RASL10A: variants seen among roughly 807,000 people sequenced by gnomAD.
RASL10A encodes RAS like family 10 member A.
RASL10A carries 13 observed loss-of-function variants against 17.3 expected under a neutral mutation model. The ratio of observed to expected loss-of-function variants is 0.75; its 90% CI spans 0.49 to 1.20. The LOEUF is 1.20. Ranked by LOEUF, RASL10A falls within the 50% of genes most tolerant of loss-of-function variation. RASL10A has a pLI of 0.00. For synonymous variants in RASL10A, 159 were observed against 142.2 expected, an observed-to-expected ratio of 1.12 and a Z score of -0.84; for missense variants, 307 against 310.3, an observed-to-expected ratio of 0.99 and a Z score of 0.08.
chr22:29,316,108 AC>A (rs1363936249), upstream of RASL10A, among the ~76,000 whole-genome samples: 8 of 152,302 alleles, frequency 5.3e-5, no homozygotes, highest in Non-Finnish European at 1.0e-4. Context: ...AGAGGCTCCA[AC>A]CTTTTCTTGA....
At chr22:29,316,625 C>G (rs1420149287), upstream of RASL10A, 1 of 152,316 alleles carries the variant, frequency 6.6e-6, no homozygotes, top group South Asian at 2.1e-4. Context: ...CCAGCCCCCC[C>G]ATCCTCCGCC....
At position 29,315,209 on chromosome 22, in the gene RASL10A, G is replaced by T; in HGVS notation, c.38C>A (p.Pro13Gln). ...GATGATGGCCGTCTTGCCCACGCCC[G>T]GGGCGCCTAGAACGGCCACCCGCAG... ...GSLRVAVLGA[P>Q]GVGKTAIIRQ... Residue 13 changes from proline (P) to glutamine (Q), a missense_variant, in exon 1 of 3, where the codon CCG becomes CAG. Transcript: ENST00000216101. The surrounding 1 kb of genome is among the most constrained non-coding windows in gnomAD (Gnocchi z 5.5). The T allele has an allele frequency of 6.6e-7, 1 of 1,526,574 alleles. No homozygotes were observed. Among genetic ancestry groups the T allele is most frequent in the Non-Finnish European group, 8.7e-7 (1 of 1,144,760 alleles). 94.6% of individuals were successfully genotyped at this position (1,526,574 alleles called of 1,614,324 possible).
chr22:29,313,679 C>CG (rs1569144543), intron 2 of RASL10A, 111 bp from the exon 3 acceptor site: 3 of 1,415,548 alleles, frequency 2.1e-6, no homozygotes, highest in Admixed American at 5.4e-5. Flanking sequence ...ACACCGCCCC[C>CG]CCCGCCGCCC....
upstream of RASL10A, chr22:29,319,617 C>A (rs1239732790): frequency 6.6e-6 from 1 of 152,226 alleles, no homozygotes; most frequent in East Asian, 1.9e-4. Context: ...TGGGGAGGCC[C>A]AGGCGGGAGG....
At chr22:29,319,326 G>A (rs932539988), upstream of RASL10A, 1 of 152,310 alleles carries the variant, frequency 6.6e-6, no homozygotes. Context: ...ACCCACGAAT[G>A]GAGGGATCCT....
intron 1 of RASL10A, 110 bp downstream of exon 1, chr22:29,314,918 C>T (rs1183384663): frequency 3.4e-6 from 3 of 886,436 alleles, no homozygotes; most frequent in South Asian, 2.0e-5. Context: ...ATCCCTCCAT[C>T]CCGGAGCACA....
At chr22:29,318,533 C>A (rs1370047793), upstream of RASL10A, among the ~76,000 whole-genome samples, 2 of 152,336 alleles carry the variant, frequency 1.3e-5, no homozygotes, top group East Asian at 3.9e-4. Flanking sequence ...TGGAGCCCCC[C>A]ATCCACAGGG....
rs1481818624 is a variant in RASL10A, at chr22:29,313,863, C to T, written c.344G>A (p.Arg115Lys). Residue 115 changes from arginine to lysine, a missense_variant and splice_region_variant, in exon 2 of 3, where the codon AGG (arginine) becomes AAG (lysine). Physicochemically the swap from Arg to Lys is conservative, Grantham distance 26 (BLOSUM62 2). Transcript: ENST00000216101. ...ACCGCCAGAACTGCCGGGCCCCTAC[C>T]TGGTCTCCGCGATGCGCTGCCGCAG... ...KALRQRIAETRPAGAPEAPIL... is the reference protein window; with the variant it reads ...KALRQRIAETKPAGAPEAPIL... The T allele has an allele frequency of 1.9e-6, 3 of 1,613,186 alleles. No individual in the cohort carries two copies. The Admixed American group carries it at 5.0e-5, about 27-fold the overall frequency.
chr22:29,316,563 G>T (rs535564287), upstream of RASL10A, among the ~76,000 whole-genome samples: 1 of 152,138 alleles, frequency 6.6e-6, no homozygotes, highest in South Asian at 2.1e-4. Flanking sequence ...CCCCTCCCTC[G>T]AGCTAGTGGA....
upstream of RASL10A, among the ~76,000 whole-genome samples, chr22:29,319,128 C>T (rs191448992): frequency 2.6e-5 from 4 of 152,198 alleles, no homozygotes; most frequent in East Asian, 7.8e-4. Context: ...ACCTGGCCTT[C>T]ACCCATGTGT....
chr22:29,316,488 G>A (rs1024324647), upstream of RASL10A, among the ~76,000 whole-genome samples: 1 of 152,174 alleles, frequency 6.6e-6, no homozygotes, highest in African/African-American at 2.4e-5. Context: ...TCCTGCGTGA[G>A]TTGCAACCCG....
chr22:29,318,217 G>A (rs1012981274), upstream of RASL10A, among the ~76,000 whole-genome samples: 2 of 152,194 alleles, frequency 1.3e-5, no homozygotes, highest in African/African-American at 4.8e-5. Context: ...ATGTTCCCTA[G>A]GAGACTCTCA....
chr22:29,319,052 G>A (rs2147915469), upstream of RASL10A, among the ~76,000 whole-genome samples: 1 of 151,988 alleles, frequency 6.6e-6, no homozygotes, highest in South Asian at 2.1e-4. Flanking sequence ...GGCTGGGCAG[G>A]GGCAGGCACC....
chr22:29,314,987 TCA>T (rs1162773648), intron 1 of RASL10A, 39 bp downstream of exon 1: 12 of 1,425,882 alleles, frequency 8.4e-6, no homozygotes, highest in Non-Finnish European at 9.2e-6. Flanking sequence ...CGCACACCCC[TCA>T]CACTGTCACA....
At chr22:29,319,403 A>T (rs2061466274), upstream of RASL10A, 1 of 152,052 alleles carries the variant, frequency 6.6e-6, no homozygotes. Context: ...CACTAATCAC[A>T]GCCAGGCAGC....
In RASL10A at chr22:29,315,242, C is replaced by T. The variant is rs766996947; in HGVS notation, c.5G>A (p.Gly2Glu). 19 of 1,480,452 alleles carry T rather than the reference C, an allele frequency of 1.3e-5. No individual in the cohort carries two copies. The highest frequency in any genetic ancestry group is 1.7e-5 in the Non-Finnish European group (19 of 1,124,568). The allele number at this position is 1,480,452 out of a possible 1,614,324, so 91.7% of individuals were successfully genotyped here. A position where few individuals can be genotyped will look rare whatever the true frequency, so the allele number is the denominator to read the frequency against. ...TAGAACGGCCACCCGCAGGCTACCC[C>T]CCATGGCCGGCCGGCGCTGTCGCTC... Reference protein sequence around the residue: MGGSLRVAVLGA... With the variant: MEGSLRVAVLGA... Residue 2 changes from glycine (G) to glutamate (E), a missense_variant, in exon 1 of 3, where the codon GGG becomes GAG. By Grantham distance (98) the Gly-to-Glu change is moderately conservative. Transcript: ENST00000216101. The surrounding 1 kb of genome is among the most constrained non-coding windows in gnomAD (Gnocchi z 5.5).
At chr22:29,313,623 C>A in intron 2 of RASL10A, 55 bp from the exon 3 acceptor site, 1 of 1,478,676 alleles carries the variant, frequency 6.8e-7, no homozygotes, top group East Asian at 2.4e-5. Context: ...GAGAATTCCC[C>A]CAGTGGGTAT....
chr22:29,316,041 C>A (rs2147913344), upstream of RASL10A, among the ~76,000 whole-genome samples: 1 of 152,324 alleles, frequency 6.6e-6, no homozygotes, highest in East Asian at 1.9e-4. Flanking sequence ...TGACCTTGGG[C>A]GAATCGCCGC....
chr22:29,318,588 T>C (rs892401677), upstream of RASL10A, among the ~76,000 whole-genome samples: 1 of 152,146 alleles, frequency 6.6e-6, no homozygotes, highest in African/African-American at 2.4e-5. Flanking sequence ...GTGCCAGGCT[T>C]CCTAAAGACC....
Sources: allele counts gnomAD v4.1 joint callset (sites outside exome capture counted in the v4.1 genomes callset), GRCh38; gene constraint gnomAD v4.1.1; non-coding constraint Gnocchi (gnomAD v3.1); transcripts MANE v1.5; gene names NCBI Gene and HGNC (gene_info 2026-07-23, HGNC 2026-07-21).